The following GRIK2 variants were observed in gnomAD, a reference collection of about 807,000 sequenced individuals.
GRIK2 encodes glutamate receptor ionotropic, kainate 2.
In GRIK2, 32 loss-of-function variants were observed where a neutral mutation model predicts 100.3. The ratio of observed to expected loss-of-function variants is 0.32; its 90% CI spans 0.24 to 0.43. The LOEUF (loss-of-function observed/expected upper bound fraction) is 0.43, where lower values mean the gene tolerates loss of function less well. GRIK2 is among the 20% of genes least tolerant of loss of function. The pLI is 1.00. For missense variants in GRIK2, 843 were observed against 1,114.9 expected, an observed-to-expected ratio of 0.76 and a Z score of 3.47; for synonymous variants, 417 against 389.4, an observed-to-expected ratio of 1.07 and a Z score of -0.83.
intron 2 of GRIK2, among the ~76,000 whole-genome samples, chr6:101,495,722 T>C (rs1164691081): frequency 6.6e-6 from 1 of 152,124 alleles, no homozygotes; most frequent in East Asian, 1.9e-4. Context: ...AGTTATAAAG[T>C]TTGTTATCAG....
chr6:101,476,165 A>G (rs935524950), intron 2 of GRIK2, among the ~76,000 whole-genome samples: 1 of 152,116 alleles, frequency 6.6e-6, no homozygotes, highest in African/African-American at 2.4e-5. Context: ...TGAATTTAGT[A>G]TATAACTGTA....
chr6:101,744,815 A>C (rs1350875697), intron 7 of GRIK2: 1 of 151,626 alleles, frequency 6.6e-6, no homozygotes, highest in Non-Finnish European at 1.5e-5. Flanking sequence ...TCCTGACCTC[A>C]GGTAATCCGC....
At chr6:102,038,658 C>A (rs75054120) in intron 15 of GRIK2, among the ~76,000 whole-genome samples, 109 of 80,306 alleles carry the variant, frequency 1.4e-3, no homozygotes, top group African/African-American at 1.7e-3. Context: ...TAAACAACAA[C>A]AAAAAAAAGG....
chr6:101,891,547 T>C (rs1484944753), intron 12 of GRIK2: 1 of 381,790 alleles, frequency 2.6e-6, no homozygotes, highest in East Asian at 8.6e-5. Context: ...AGGTGGATTA[T>C]ATTTTTATAT....
chr6:101,901,357 A>T (rs567671799), intron 12 of GRIK2, among the ~76,000 whole-genome samples: 1 of 152,002 alleles, frequency 6.6e-6, no homozygotes, highest in African/African-American at 2.4e-5. Context: ...TAAAAAATAG[A>T]ATCCAGTTTT....
chr6:101,842,737 C>T (rs1000326002), intron 10 of GRIK2, among the ~76,000 whole-genome samples: 1 of 152,114 alleles, frequency 6.6e-6, no homozygotes, highest in Non-Finnish European at 1.5e-5. Flanking sequence ...ATTCTCATTG[C>T]ACAAGATCTT....
chr6:101,584,856 C>T (rs1185738071), intron 2 of GRIK2, among the ~76,000 whole-genome samples: 1 of 151,702 alleles, frequency 6.6e-6, no homozygotes, highest in East Asian at 1.9e-4. Flanking sequence ...TGCAAAAATG[C>T]AAGATTACAG....
At position 101,732,146 on chromosome 6, in the gene GRIK2, T is replaced by G. The variant is rs1191134867; in HGVS notation, c.951+45793T>G. Among the ~76,000 whole-genome samples the G allele has an allele frequency of 2.6e-5, 4 of 151,998 alleles. No individual in the cohort carries two copies. The East Asian group carries it at 5.8e-4, about 22-fold the overall frequency. ...TTCCTAGTGTGATAATTGCTTTATATTTTGGTTATTCCTTTTACATCAAAC... is the reference window on the plus strand; with the variant it reads ...TTCCTAGTGTGATAATTGCTTTATAGTTTGGTTATTCCTTTTACATCAAAC... On this transcript the variant is annotated intron_variant, in intron 7 of 16. Coordinates refer to ENST00000369134, the MANE Select transcript of GRIK2 (RefSeq NM_021956.5).
At chr6:101,704,973 TTTATA>T (rs1773154260) in intron 7 of GRIK2, among the ~76,000 whole-genome samples, 1 of 145,312 alleles carries the variant, frequency 6.9e-6, no homozygotes, top group Non-Finnish European at 1.5e-5. Context: ...TTCATATATA[TTTATA>T]TTATATATTT....
chr6:101,949,211 T>C (rs2128478390), intron 14 of GRIK2, among the ~76,000 whole-genome samples: 1 of 151,792 alleles, frequency 6.6e-6, no homozygotes, highest in East Asian at 1.9e-4. Flanking sequence ...TTTTTTTTTT[T>C]GTGGGTACCA....
rs183973751 is a variant in GRIK2 at position 101,823,976 on chromosome 6, T to C, written c.1317+5493T>C. 5.9e-3 allele frequency among the ~76,000 whole-genome samples: 894 copies of C among 151,756 alleles called. 11 individuals carry two copies. The highest frequency in any genetic ancestry group is 0.021 in the African/African-American group (854 of 41,406). On this transcript the variant is annotated intron_variant, in intron 10 of 16. Coordinates refer to ENST00000369134, the MANE Select transcript of GRIK2 (RefSeq NM_021956.5). The stretch of plus-strand genomic sequence containing the variant: ...TCCGCCTCCCATGTTCAAGTGATTC[T>C]CCTGCCTCAGCCTCCTGAGTAGCTG...
intron 7 of GRIK2, among the ~76,000 whole-genome samples, chr6:101,691,189 TA>T (rs1772068343): frequency 1.3e-5 from 2 of 152,282 alleles, no homozygotes; most frequent in South Asian, 4.1e-4. Context: ...TCCCCAAATA[TA>T]TGTTGGAGAG....
intron 2 of GRIK2, among the ~76,000 whole-genome samples, chr6:101,571,727 C>T (rs1198333253): frequency 6.6e-6 from 1 of 151,918 alleles, no homozygotes; most frequent in African/African-American, 2.4e-5. Context: ...TGAAGATGGC[C>T]TATATTTCCT....
Position 101,862,461 on chromosome 6 carries a change from T to C in GRIK2, c.1524+2968T>C, listed in dbSNP as rs145648321. On this transcript the variant is annotated intron_variant, in intron 11 of 16. Transcript: ENST00000369134. ...TATATATTTTTAAGAGACGGAATCTTTCTGTGACTTAGACTAGGGTTCAGT... is the reference window on the plus strand; with the variant it reads ...TATATATTTTTAAGAGACGGAATCTCTCTGTGACTTAGACTAGGGTTCAGT... Among the ~76,000 whole-genome samples, 46 of 152,264 alleles carry C rather than the reference T, an allele frequency of 3.0e-4. 1 individual carries two copies. The East Asian group carries it at 8.7e-3, about 29-fold the overall frequency.
chr6:101,760,646 A>T lies in GRIK2; in HGVS notation c.952-39002A>T, dbSNP rs1236085005. On this transcript the variant is annotated intron_variant, in intron 7 of 16. Coordinates refer to ENST00000369134, the MANE Select transcript of GRIK2 (RefSeq NM_021956.5). Reference sequence around the variant, plus strand: ...TATGTTTAATTATATATAATTATATATAATTATATGTTTAATTATATATAA... The same window carrying T: ...TATGTTTAATTATATATAATTATATTTAATTATATGTTTAATTATATATAA... 4.0e-3 allele frequency among the ~76,000 whole-genome samples: 319 copies of T among 78,770 alleles called. 15 individuals are homozygous for T. The highest frequency in any genetic ancestry group is 6.4e-3 in the Admixed American group (32 of 5,036). The allele number at this position is 78,770 out of a possible 152,430, so 51.7% of individuals were successfully genotyped here.
rs535674170 is a variant in GRIK2, at chr6:101,626,259, T to A, written c.284-121T>A. 4.3e-6 allele frequency: 4 copies of A among 932,054 alleles called. No homozygotes were observed. The African/African-American group carries it at 6.6e-5, about 15-fold the overall frequency. The allele number at this position is 932,054 out of a possible 1,614,324, so 57.7% of individuals were successfully genotyped here. On this transcript the variant is annotated intron_variant, in intron 3 of 16. Coordinates refer to ENST00000369134, the MANE Select transcript of GRIK2 (RefSeq NM_021956.5). ...AAATTAGTGAAAAGTAGATATATAT[T>A]TTTTAAAAACACAAATCTTTCTTGA...
At chr6:101,985,670 A>C (rs1241482410) in intron 14 of GRIK2, among the ~76,000 whole-genome samples, 1 of 151,788 alleles carries the variant, frequency 6.6e-6, no homozygotes, top group Non-Finnish European at 1.5e-5. Context: ...AAAGATAATC[A>C]CTGGGTGGGA....
chr6:101,503,531 C>T (rs1773874647), intron 2 of GRIK2, among the ~76,000 whole-genome samples: 1 of 152,138 alleles, frequency 6.6e-6, no homozygotes, highest in Non-Finnish European at 1.5e-5. Flanking sequence ...CTTAGGCATA[C>T]ATTTTATATT....
chr6:101,946,260 T>C (rs977338129), intron 14 of GRIK2, among the ~76,000 whole-genome samples: 2 of 152,096 alleles, frequency 1.3e-5, no homozygotes, highest in African/African-American at 2.4e-5. Context: ...ATAATATGTA[T>C]GTGTGTGCAT....
Sources: gnomAD v4.1 joint callset for allele counts (sites outside exome capture counted in the v4.1 genomes callset) on GRCh38, gnomAD v4.1.1 for gene constraint, MANE v1.5 for transcripts, NCBI Gene and HGNC (gene_info 2026-07-23, HGNC 2026-07-21) for gene names.